SPIC: variants seen among roughly 807,000 people sequenced by gnomAD.
The protein encoded by SPIC is Spi-C transcription factor.
A neutral mutation model predicts 16.7 loss-of-function variants in SPIC; 9 were observed. The ratio of observed to expected loss-of-function variants is 0.54; its 90% CI spans 0.33 to 0.94. SPIC has a LOEUF of 0.94. SPIC is among the 40% of genes least tolerant of loss of function. The pLI, the probability that SPIC is intolerant of heterozygous loss-of-function variation, is 0.03. For synonymous variants in SPIC, 97 were observed against 102.9 expected, an observed-to-expected ratio of 0.94 and a Z score of 0.35; for missense variants, 241 against 285.8, an observed-to-expected ratio of 0.84 and a Z score of 1.13.
At chr12:101,481,613 G>C (rs1008689312) in intron 4 of SPIC, among the ~76,000 whole-genome samples, 4 of 151,558 alleles carry the variant, frequency 2.6e-5, no homozygotes, top group Admixed American at 1.3e-4. Context: ...AGGTTCAAGC[G>C]ATTCTCCTGC....
At chr12:101,476,076 C>A (rs906569178) in intron 1 of SPIC, among the ~76,000 whole-genome samples, 3 of 152,028 alleles carry the variant, frequency 2.0e-5, no homozygotes, top group Admixed American at 2.0e-4. Context: ...AAGATAAATA[C>A]TTGCATAAAA....
chr12:101,485,769 G>C (rs1293541232), intron 5 of SPIC, among the ~76,000 whole-genome samples: 1 of 152,144 alleles, frequency 6.6e-6, no homozygotes, highest in Admixed American at 6.6e-5. Context: ...GCTCAATGTT[G>C]TTCTGTGGAA....
At chr12:101,485,436 C>T (rs971900455) in intron 5 of SPIC, among the ~76,000 whole-genome samples, 4 of 152,170 alleles carry the variant, frequency 2.6e-5, no homozygotes, top group African/African-American at 7.2e-5. Flanking sequence ...ATTTATTCCA[C>T]AACAATGAGA....
intron 3 of SPIC, among the ~76,000 whole-genome samples, chr12:101,478,847 A>C (rs1873045045): frequency 6.6e-6 from 1 of 152,122 alleles, no homozygotes; most frequent in African/African-American, 2.4e-5. Context: ...GATAAGAGAA[A>C]TCATGTGGGC....
At chr12:101,480,956 C>T (rs1429428331) in intron 4 of SPIC, among the ~76,000 whole-genome samples, 1 of 152,122 alleles carries the variant, frequency 6.6e-6, no homozygotes, top group Admixed American at 6.5e-5. Context: ...GGCAACCCTT[C>T]TTCTTTCTAC....
At chr12:101,483,799 T>C (rs982502759) in intron 5 of SPIC, among the ~76,000 whole-genome samples, 2 of 151,810 alleles carry the variant, frequency 1.3e-5, no homozygotes, top group Non-Finnish European at 2.9e-5. Flanking sequence ...GGTTTTGTCA[T>C]GTTGGCCAGG....
chr12:101,479,136 T>TA (rs1161273325), intron 3 of SPIC, among the ~76,000 whole-genome samples: 111 of 69,934 alleles, frequency 1.6e-3, no homozygotes, highest in Middle Eastern at 0.012. Flanking sequence ...GACCCTGTCT[T>TA]AAAAAAAAAA....
intron 4 of SPIC, among the ~76,000 whole-genome samples, chr12:101,480,626 C>G (rs796148723): frequency 4.6e-5 from 7 of 152,296 alleles, no homozygotes; most frequent in African/African-American, 1.7e-4. Context: ...CACACCATGT[C>G]AAATGTCCTT....
intron 5 of SPIC, among the ~76,000 whole-genome samples, chr12:101,485,139 AT>A (rs1383691775): frequency 2.6e-5 from 4 of 152,238 alleles, no homozygotes; most frequent in African/African-American, 4.8e-5. Flanking sequence ...ATGCAAGAGT[AT>A]TATTCCCCAG....
intron 5 of SPIC, among the ~76,000 whole-genome samples, chr12:101,485,081 A>G (rs372233951): frequency 6.6e-6 from 1 of 152,264 alleles, no homozygotes; most frequent in African/African-American, 2.4e-5. Flanking sequence ...TACAAAAGAT[A>G]ATCTTTGTAA....
chr12:101,479,224 G>A (rs867880444), intron 3 of SPIC, among the ~76,000 whole-genome samples: 31 of 82,086 alleles, frequency 3.8e-4, no homozygotes, highest in Non-Finnish European at 8.2e-4. Flanking sequence ...AAGAAAGAAG[G>A]AAAGAAAGAA....
chr12:101,478,842 G>A (rs1179229234), intron 3 of SPIC, among the ~76,000 whole-genome samples: 2 of 152,076 alleles, frequency 1.3e-5, no homozygotes, highest in Non-Finnish European at 2.9e-5. Context: ...TCCAAGATAA[G>A]AGAAATCATG....
At chr12:101,478,033 C>CTTTTTTTT (rs71091502) in intron 3 of SPIC, among the ~76,000 whole-genome samples, 17 of 137,700 alleles carry the variant, frequency 1.2e-4, no homozygotes, top group African/African-American at 1.8e-4. Context: ...TTTCTTTTTT[C>CTTTTTTTT]TTTTTTTTTT....
At chr12:101,483,920 C>A (rs149141348) in intron 5 of SPIC, among the ~76,000 whole-genome samples, 26 of 152,034 alleles carry the variant, frequency 1.7e-4, no homozygotes, top group Non-Finnish European at 3.1e-4. Context: ...TTCAGGCAGC[C>A]CCCCCGAACC....
intron 4 of SPIC, among the ~76,000 whole-genome samples, chr12:101,480,192 G>A (rs578004445): frequency 6.6e-6 from 1 of 152,202 alleles, no homozygotes; most frequent in Non-Finnish European, 1.5e-5. Context: ...CTGTTAGGAA[G>A]GAAATAACCC....
At chr12:101,482,584 C>T (rs1340984944) in intron 4 of SPIC, among the ~76,000 whole-genome samples, 3 of 152,088 alleles carry the variant, frequency 2.0e-5, no homozygotes, top group Admixed American at 6.6e-5. Context: ...CCTCACAAAG[C>T]CAAGGATTAC....
intron 4 of SPIC, among the ~76,000 whole-genome samples, chr12:101,481,305 G>C (rs955638732): frequency 6.6e-6 from 1 of 151,998 alleles, no homozygotes; most frequent in African/African-American, 2.4e-5. Flanking sequence ...TCCTGCCTCA[G>C]CTTCCCAAGT....
chr12:101,484,900 A>G (rs12578855), intron 5 of SPIC, among the ~76,000 whole-genome samples: 16,914 of 152,020 alleles, frequency 0.11, 1,357 homozygotes, highest in East Asian at 0.35. Context: ...AATAAAATAA[A>G]ATTTAAACAT....
chr12:101,479,526 A>T (rs1480481550), intron 3 of SPIC, 56 bp from the exon 4 acceptor site: 1 of 1,353,880 alleles, frequency 7.4e-7, no homozygotes, highest in Non-Finnish European at 1.0e-6. Flanking sequence ...ACACATATTT[A>T]TATGCACAAA....
Sources: allele counts gnomAD v4.1 joint callset (sites outside exome capture counted in the v4.1 genomes callset), GRCh38; gene constraint gnomAD v4.1.1; transcripts MANE v1.5; gene names NCBI Gene and HGNC (gene_info 2026-07-23, HGNC 2026-07-21).